The following FAM53A variants were observed in gnomAD, a reference collection of about 807,000 sequenced individuals.
FAM53A encodes the protein family with sequence similarity 53 member A, also known as protein FAM53A.
In FAM53A, 28 loss-of-function variants were observed where a neutral mutation model predicts 26.6. The ratio of observed to expected loss-of-function variants is 1.05; its 90% CI spans 0.78 to 1.45. FAM53A has a LOEUF of 1.45. Ranked by LOEUF, FAM53A falls within the 40% of genes most tolerant of loss-of-function variation. The pLI, the probability that FAM53A is intolerant of heterozygous loss-of-function variation, is 0.00. For missense variants in FAM53A, 650 were observed against 575.8 expected (o/e 1.13, Z -1.32); for synonymous variants, 290 against 253.1 (o/e 1.15, Z -1.38).
the FAM53A span, among the ~76,000 whole-genome samples, chr4:1,605,086 C>T: frequency 1.3e-5 from 2 of 152,178 alleles, no homozygotes; most frequent in African/African-American, 4.8e-5. This position sits in a 1 kb window ranked among gnomAD's most constrained non-coding sequence, Gnocchi z 5.7. Context: ...TGCTGAGTCT[C>T]GGGTGTGCAG....
At chr4:1,616,076 G>A (rs1700403469), downstream of FAM53A, among the ~76,000 whole-genome samples, 1 of 152,186 alleles carries the variant, frequency 6.6e-6, no homozygotes, top group African/African-American at 2.4e-5. Context: ...GGGGATGTTG[G>A]ATGCAGTAAG....
At chr4:1,611,665 G>A in the FAM53A span, among the ~76,000 whole-genome samples, 2 of 152,250 alleles carry the variant, frequency 1.3e-5, no homozygotes, top group Middle Eastern at 3.2e-3. Context: ...CTCCGTGGGG[G>A]CCCTGGCTCC....
At chr4:1,627,434 C>T (rs985128177) in intron 1 of FAM53A, among the ~76,000 whole-genome samples, 16 of 152,330 alleles carry the variant, frequency 1.1e-4, no homozygotes, top group African/African-American at 3.6e-4. Context: ...TGTATAACCA[C>T]GGGGCTGCTT....
the FAM53A span, among the ~76,000 whole-genome samples, chr4:1,606,009 C>G: frequency 6.6e-6 from 1 of 151,340 alleles, no homozygotes; most frequent in Non-Finnish European, 1.5e-5. Flanking sequence ...GCCAGGAATT[C>G]TCTCCAAAAT....
intron 4 of FAM53A, among the ~76,000 whole-genome samples, chr4:1,654,007 T>C (rs1713101875): frequency 1.3e-5 from 2 of 152,156 alleles, no homozygotes; most frequent in South Asian, 2.1e-4. Flanking sequence ...AGGCAGGGCA[T>C]GGGCAAGCCT....
intron 4 of FAM53A, among the ~76,000 whole-genome samples, chr4:1,648,986 G>A (rs911426697): frequency 2.0e-5 from 3 of 152,158 alleles, no homozygotes; most frequent in East Asian, 3.9e-4. Flanking sequence ...GGTGGTGGGC[G>A]CCTACAATCC....
chr4:1,626,378 C>G (rs893599344), intron 1 of FAM53A, among the ~76,000 whole-genome samples: 2 of 152,234 alleles, frequency 1.3e-5, no homozygotes, highest in Admixed American at 6.5e-5. Context: ...GGGAGCCCGA[C>G]GCAGACCAGA....
At chr4:1,635,252 TGTCA>T (rs1358866945), downstream of FAM53A, among the ~76,000 whole-genome samples, 1 of 152,116 alleles carries the variant, frequency 6.6e-6, no homozygotes, top group Non-Finnish European at 1.5e-5. Context: ...GTGGCTTTGT[TGTCA>T]GTTTCATTCA....
the FAM53A span, among the ~76,000 whole-genome samples, chr4:1,590,298 G>A: frequency 9.2e-5 from 14 of 152,160 alleles, no homozygotes; most frequent in South Asian, 4.2e-4. Flanking sequence ...TAAGCAGCCC[G>A]ACTCCATTTT....
chr4:1,591,024 G>A, the FAM53A span, among the ~76,000 whole-genome samples: 1 of 111,828 alleles, frequency 8.9e-6, no homozygotes, highest in Non-Finnish European at 1.8e-5. Context: ...TTCTTGGTCT[G>A]TTGTTCTTTT....
At chr4:1,656,120 G>C (rs1443911940) in intron 3 of FAM53A, among the ~76,000 whole-genome samples, 1 of 152,144 alleles carries the variant, frequency 6.6e-6, no homozygotes, top group South Asian at 2.1e-4. Context: ...GACTCTCCAG[G>C]GCCCCTTCTT....
intron 4 of FAM53A, among the ~76,000 whole-genome samples, chr4:1,647,877 C>T (rs1192684758): frequency 6.6e-6 from 1 of 152,172 alleles, no homozygotes; most frequent in Non-Finnish European, 1.5e-5. Flanking sequence ...CAGAGCATTT[C>T]TTTTTGGCCC....
At chr4:1,591,823 C>T in the FAM53A span, among the ~76,000 whole-genome samples, 1 of 152,190 alleles carries the variant, frequency 6.6e-6, no homozygotes, top group Non-Finnish European at 1.5e-5. Context: ...AGGAGGTCAC[C>T]CTCCAGGGCT....
At chr4:1,636,807 C>T (rs370514423), downstream of FAM53A, among the ~76,000 whole-genome samples, 1 of 152,212 alleles carries the variant, frequency 6.6e-6, no homozygotes, top group South Asian at 2.1e-4. Flanking sequence ...TAGCATGGGG[C>T]CCAGGGTCCT....
Position 1,641,182 on chromosome 4 carries a change from TGCCCC to T in FAM53A, c.*106_*110del, listed in dbSNP as rs1711665144. On this transcript the variant is annotated 3_prime_UTR_variant, in exon 5 of 5. Transcript: ENST00000308132. ...ACCAGCTCACAGGAAACCTACTCTG[TGCCCC>T]AGGGCAGGTGCCGGGCCGTGGCCCC... The T allele has an allele frequency of 1.2e-6, 1 of 845,588 alleles. No homozygotes were observed. The highest frequency in any genetic ancestry group is 1.9e-5 in the South Asian group (1 of 53,442). The allele number at this position is 845,588 out of a possible 1,614,324, so 52.4% of individuals were successfully genotyped here.
chr4:1,680,688 G>A (rs945295061), intron 1 of FAM53A, among the ~76,000 whole-genome samples: 1 of 152,080 alleles, frequency 6.6e-6, no homozygotes, highest in African/African-American at 2.4e-5. Flanking sequence ...ATATTTAAAT[G>A]CATGTCACTA....
At chr4:1,637,069 C>G (rs1038711795), downstream of FAM53A, among the ~76,000 whole-genome samples, 1 of 152,110 alleles carries the variant, frequency 6.6e-6, no homozygotes, top group African/African-American at 2.4e-5. Context: ...GTGAGGGCTG[C>G]CTGGTGAGGG....
At chr4:1,684,782 C>G (rs962718029), upstream of FAM53A, among the ~76,000 whole-genome samples, 5 of 152,206 alleles carry the variant, frequency 3.3e-5, no homozygotes, top group African/African-American at 1.2e-4. Context: ...TGGCAGGTCG[C>G]TCGCCCTCTC....
At chr4:1,643,322 C>T (rs557992846) in intron 4 of FAM53A, among the ~76,000 whole-genome samples, 72 of 151,902 alleles carry the variant, frequency 4.7e-4, no homozygotes, top group African/African-American at 1.7e-3. Context: ...AAAAATTAAC[C>T]AGGCGTGGTG....
Sources: allele counts gnomAD v4.1 joint callset (sites outside exome capture counted in the v4.1 genomes callset), GRCh38; gene constraint gnomAD v4.1.1; non-coding constraint Gnocchi (gnomAD v3.1); transcripts MANE v1.5; gene names NCBI Gene and HGNC (gene_info 2026-07-23, HGNC 2026-07-21).